Variants in PDE4C observed in about 807,000 individuals in gnomAD.
PDE4C encodes 3',5'-cyclic-AMP phosphodiesterase 4C.
Under a neutral mutation model 63.9 loss-of-function variants are expected in PDE4C, and 50 were observed. That is an observed-to-expected ratio of 0.78 (90% CI 0.62 to 0.99). The LOEUF is 0.99. PDE4C is among the 50% of genes least tolerant of loss of function. The pLI, the probability that PDE4C is intolerant of heterozygous loss-of-function variation, is 0.00. For missense variants in PDE4C, 777 were observed against 899.1 expected (o/e 0.86, Z 1.74); for synonymous variants, 377 against 385.1 (o/e 0.98, Z 0.25).
chr19:18,235,892 CT>C (rs1968941935), upstream of PDE4C, among the ~76,000 whole-genome samples: 2 of 151,920 alleles, frequency 1.3e-5, no homozygotes, highest in Middle Eastern at 3.2e-3. Context: ...CGCACTCCCA[CT>C]GGTTGACTTC....
exon 1 of PDE4C, chr19:18,232,950 C>G: frequency 1.4e-6 from 2 of 1,450,090 alleles, no homozygotes; most frequent in Middle Eastern, 1.8e-4. Flanking sequence ...GGCCACCTAC[C>G]GCCTGCAGGA....
chr19:18,222,481 C>G (rs1019917833), intron 1 of PDE4C, among the ~76,000 whole-genome samples, 158 bp from the exon 2 acceptor site: 3 of 152,090 alleles, frequency 2.0e-5, no homozygotes, highest in Admixed American at 6.6e-5. Flanking sequence ...CCTCAGGAAC[C>G]CTGCACCCCT....
chr19:18,228,781 G>A (rs982190140), upstream of PDE4C, among the ~76,000 whole-genome samples: 7 of 152,300 alleles, frequency 4.6e-5, no homozygotes, highest in East Asian at 7.7e-4. Flanking sequence ...GGCCCTGGGA[G>A]GCTCTCCAAG....
upstream of PDE4C, among the ~76,000 whole-genome samples, chr19:18,235,162 T>C (rs564309131): frequency 6.6e-6 from 1 of 152,278 alleles, no homozygotes; most frequent in South Asian, 2.1e-4. Flanking sequence ...CACCAACAAC[T>C]GGTGTGTCTA....
exon 1 of PDE4C, chr19:18,233,085 G>A (rs548025731): frequency 1.3e-6 from 2 of 1,570,882 alleles, no homozygotes; most frequent in Non-Finnish European, 1.7e-6. Context: ...GGGGCGCCGG[G>A]GTTGCCGCCA....
chr19:18,212,469 C>G (rs1316962375), intron 13 of PDE4C, among the ~76,000 whole-genome samples: 1 of 135,202 alleles, frequency 7.4e-6, no homozygotes, highest in Non-Finnish European at 1.6e-5. Flanking sequence ...GCCACTGAGC[C>G]CAGCTTTTTT....
intron 1 of PDE4C, among the ~76,000 whole-genome samples, chr19:18,243,938 T>G (rs1324484967): frequency 6.6e-6 from 1 of 152,048 alleles, no homozygotes; most frequent in African/African-American, 2.4e-5. Flanking sequence ...CACTCCAACC[T>G]CCAACTCCCT....
Position 18,210,957 on chromosome 19 carries a change from T to A in PDE4C, c.2015A>T (p.Asp672Val), listed in dbSNP as rs371890883. 1.4e-4 allele frequency: 233 copies of A among 1,612,794 alleles called. 6 individuals carry two copies. The highest frequency in any genetic ancestry group is 5.2e-4 in the Admixed American group (31 of 59,966). ...AGTCCTCTGGTTGTCGAGGGGTAAG[T>A]CCCCAGGGTCTGGGCCGGCTTCAGG... The change falls in exon 15 of 15, where the codon GAC (aspartate) becomes GTC (valine). Residue 672 changes from aspartate (D) to valine (V), a missense_variant. This residue lies in a region of PDE4C where 500 missense variants were observed against 597.8 expected (regional missense o/e 0.84). Transcript: ENST00000262805.
chr19:18,248,309 A>C, upstream of PDE4C: 2 of 436,778 alleles, frequency 4.6e-6, no homozygotes, highest in South Asian at 3.2e-5. Context: ...TCTGGGCACC[A>C]GGCCAGGACA....
At chr19:18,224,106 C>T (rs1968615272) in intron 1 of PDE4C, 3 of 703,150 alleles carry the variant, frequency 4.3e-6, no homozygotes, top group East Asian at 1.3e-4. Context: ...GCCCACCCTC[C>T]TCCCTCTCCA....
At chr19:18,219,093 T>G in intron 8 of PDE4C, 55 bp from the exon 9 acceptor site, 1 of 1,578,794 alleles carries the variant, frequency 6.3e-7, no homozygotes, top group South Asian at 1.1e-5. Context: ...CCCCAGACTC[T>G]AGAGCCTCCA....
At chr19:18,231,261 C>T (rs1461708639), upstream of PDE4C, among the ~76,000 whole-genome samples, 5 of 152,332 alleles carry the variant, frequency 3.3e-5, no homozygotes, top group East Asian at 1.9e-4. Context: ...GCAGCGCATA[C>T]GATGCGCAGA....
rs11341261 is a variant in PDE4C at position 18,242,627 on chromosome 19, CAA to C, written c.-210+5542_-210+5543del. ...TGACACCCTGTCTCTACTAAAAATA[CAA>C]AAAAAAATAGCCAGGCATGGTGGCA... On this transcript the variant is annotated intron_variant, in intron 1 of 15. Transcript: ENST00000594617. 1.5e-3 allele frequency among the ~76,000 whole-genome samples: 233 copies of C among 150,656 alleles called. 2 individuals are homozygous for C. Among genetic ancestry groups the C allele is most frequent in the South Asian group, 0.015 (73 of 4,754 alleles).
chr19:18,236,557 T>C (rs1004638349), upstream of PDE4C, among the ~76,000 whole-genome samples: 2 of 152,152 alleles, frequency 1.3e-5, no homozygotes, highest in African/African-American at 4.8e-5. Flanking sequence ...TTCTTCCAGG[T>C]AGTCCTCCCT....
intron 1 of PDE4C, among the ~76,000 whole-genome samples, chr19:18,232,595 A>G (rs1968872214): frequency 6.6e-6 from 1 of 152,004 alleles, no homozygotes; most frequent in Admixed American, 6.6e-5. Flanking sequence ...GGAGACACAC[A>G]GGCACACCCA....
rs1384792415 is a variant in PDE4C at position 18,216,731 on chromosome 19, C to T, written c.1389+10G>A. 6.3e-7 allele frequency: 1 copy of T among 1,597,022 alleles called. No individual in the cohort carries two copies. Among genetic ancestry groups the T allele is most frequent in the Non-Finnish European group, 8.6e-7 (1 of 1,169,392 alleles). On this transcript the variant is annotated intron_variant, in intron 12 of 14. Transcript: ENST00000262805. ...TGCCCCTCCCGCCCCGCTTACTGCC[C>T]TGGCCTCACCATGTCAATGACCATC...
exon 4 of PDE4C, chr19:18,221,111 G>A (rs755103310): frequency 7.2e-7 from 1 of 1,388,688 alleles, no homozygotes; most frequent in South Asian, 1.2e-5. Context: ...CTACTTGGCT[G>A]CTCCTAGGCA....
intron 12 of PDE4C, among the ~76,000 whole-genome samples, chr19:18,216,078 G>A (rs1968182580): frequency 1.3e-5 from 2 of 151,802 alleles, no homozygotes; most frequent in South Asian, 2.1e-4. Context: ...TGATCCACCC[G>A]CCTCAGCCTC....
upstream of PDE4C, chr19:18,226,584 G>C: frequency 2.6e-6 from 1 of 382,562 alleles, no homozygotes. Context: ...GAGGCACAGA[G>C]TCAGACGCAA....
Sources: allele counts gnomAD v4.1 joint callset (sites outside exome capture counted in the v4.1 genomes callset), GRCh38; gene constraint gnomAD v4.1.1; regional missense constraint gnomAD v4.1.1; transcripts MANE v1.5; gene names NCBI Gene and HGNC (gene_info 2026-07-23, HGNC 2026-07-21).